MOBP: variants seen among roughly 807,000 people sequenced by gnomAD.
The protein encoded by MOBP is myelin-associated oligodendrocyte basic protein.
In MOBP, 5 loss-of-function variants were observed where a neutral mutation model predicts 15.0. The ratio of observed to expected loss-of-function variants is 0.33; its 90% CI spans 0.17 to 0.70. MOBP has a LOEUF of 0.70. MOBP is among the 30% of genes least tolerant of loss of function. MOBP has a pLI of 0.67. For synonymous variants in MOBP, 88 were observed against 99.0 expected (o/e 0.89, Z 0.66); for missense variants, 188 against 257.8 (o/e 0.73, Z 1.85).
intron 2 of MOBP, among the ~76,000 whole-genome samples, chr3:39,484,775 A>G (rs746073786): frequency 3.7e-4 from 56 of 152,368 alleles, no homozygotes; most frequent in Admixed American, 1.2e-3. Context: ...GCTAAAGATA[A>G]CAACCGTAGG....
intron 2 of MOBP, among the ~76,000 whole-genome samples, chr3:39,485,430 G>A (rs932188452): frequency 2.0e-5 from 3 of 152,200 alleles, no homozygotes; most frequent in Non-Finnish European, 2.9e-5. Flanking sequence ...AGGTCTCTAC[G>A]GGAGCTGGTG....
chr3:39,477,765 T>C (rs886723876), intron 1 of MOBP, among the ~76,000 whole-genome samples: 1 of 151,830 alleles, frequency 6.6e-6, no homozygotes, highest in Non-Finnish European at 1.5e-5. Context: ...TAGAAGACAG[T>C]GATATTGACT....
At chr3:39,514,210 G>A (rs1482538500) in exon 5 of MOBP, 1 of 152,246 alleles carries the variant, frequency 6.6e-6, no homozygotes, top group Non-Finnish European at 1.5e-5. Context: ...GTGAGAGCAA[G>A]TCCTCGAAGG....
Position 39,502,977 on chromosome 3 carries a change from T to A in MOBP, c.*97T>A. The A allele has an allele frequency of 1.6e-6, 1 of 622,122 alleles. No homozygotes were observed. The highest frequency in any genetic ancestry group is 2.0e-5 in the South Asian group (1 of 49,202). 38.5% of individuals were successfully genotyped at this position (622,122 alleles called of 1,614,324 possible). On this transcript the variant is annotated 3_prime_UTR_variant, in exon 4 of 4. Transcript: ENST00000684792. This position sits in a 1 kb window ranked among gnomAD's most constrained non-coding sequence, Gnocchi z 6.3. ...GTCTCCATGGCCCTCTTCAGCCTTA[T>A]TACCCAACCTGTGTAATCAGCTCCC...
chr3:39,472,549 A>G (rs2042486013), intron 1 of MOBP, among the ~76,000 whole-genome samples: 1 of 152,220 alleles, frequency 6.6e-6, no homozygotes, highest in Non-Finnish European at 1.5e-5. Context: ...TTTTCTACTT[A>G]AAAGACTACT....
chr3:39,471,081 G>A (rs1208940006), intron 1 of MOBP, among the ~76,000 whole-genome samples: 7 of 151,618 alleles, frequency 4.6e-5, no homozygotes, highest in Non-Finnish European at 1.0e-4. Flanking sequence ...AATGTTAAAT[G>A]TAACAATCTC....
At chr3:39,480,229 G>C (rs542882061) in intron 2 of MOBP, 106 bp downstream of exon 2, 12 of 152,248 alleles carry the variant, frequency 7.9e-5, no homozygotes, top group African/African-American at 2.2e-4. Flanking sequence ...GCAAAAGAAT[G>C]AGCAATCAAA....
rs1378469438 is a variant in MOBP, at chr3:39,521,369, A to AT, written c.*259-2868dup. Among the ~76,000 whole-genome samples the AT allele has an allele frequency of 2.0e-5, 3 of 152,182 alleles. No individual in the cohort carries two copies. In the East Asian group the frequency reaches 5.8e-4, roughly 29 times the overall value. On this transcript the variant is annotated intron_variant and NMD_transcript_variant, in intron 3 of 4. Coordinates refer to the MOBP transcript ENST00000424090. ...ACAGCCAGTTTTGTTATACCAGGAC[A>AT]TTTTTTATACAGGGGAAAAATCAGG... is the stretch of plus-strand genomic sequence containing the variant.
At chr3:39,499,007 A>C (rs571166637) in intron 2 of MOBP, among the ~76,000 whole-genome samples, 2 of 152,242 alleles carry the variant, frequency 1.3e-5, no homozygotes, top group African/African-American at 2.4e-5. Context: ...GTTATTTCTC[A>C]AACAGTTGGA....
At chr3:39,495,371 T>C (rs2042863245) in intron 2 of MOBP, among the ~76,000 whole-genome samples, 1 of 152,082 alleles carries the variant, frequency 6.6e-6, no homozygotes, top group South Asian at 2.1e-4. Flanking sequence ...TTAATATTTG[T>C]GGCATGCAGC....
chr3:39,494,479 T>C (rs2042845903), intron 2 of MOBP, among the ~76,000 whole-genome samples: 3 of 152,264 alleles, frequency 2.0e-5, no homozygotes, highest in South Asian at 2.1e-4. Context: ...GTTTTTTTTT[T>C]CCTCATCCTG....
At chr3:39,501,381 C>G (rs1468043533) in intron 2 of MOBP, among the ~76,000 whole-genome samples, 3 of 152,230 alleles carry the variant, frequency 2.0e-5, no homozygotes, top group African/African-American at 7.2e-5. Context: ...AGGACTATTT[C>G]TGCATCTGTC....
At chr3:39,489,253 T>C (rs2125640772) in intron 2 of MOBP, among the ~76,000 whole-genome samples, 1 of 152,346 alleles carries the variant, frequency 6.6e-6, no homozygotes, top group Non-Finnish European at 1.5e-5. Context: ...TATTGTCTCC[T>C]AGCACCCAGT....
At chr3:39,487,353 T>C (rs2042726889) in intron 2 of MOBP, among the ~76,000 whole-genome samples, 2 of 152,166 alleles carry the variant, frequency 1.3e-5, no homozygotes, top group African/African-American at 4.8e-5. Flanking sequence ...ATCCCTATCA[T>C]ATATCAAGTT....
chr3:39,512,512 T>C (rs1319588787), intron 4 of MOBP, among the ~76,000 whole-genome samples: 1 of 152,214 alleles, frequency 6.6e-6, no homozygotes, highest in Non-Finnish European at 1.5e-5. Flanking sequence ...TTTTTTCTGG[T>C]ATCCTCAATC....
At chr3:39,512,026 G>A (rs2043126218) in intron 4 of MOBP, among the ~76,000 whole-genome samples, 1 of 152,154 alleles carries the variant, frequency 6.6e-6, no homozygotes, top group Non-Finnish European at 1.5e-5. Context: ...ATAGGACTAG[G>A]TAAGTGGATA....
intron 3 of MOBP, among the ~76,000 whole-genome samples, chr3:39,522,525 C>T (rs890544723): frequency 6.6e-6 from 1 of 152,100 alleles, no homozygotes; most frequent in Non-Finnish European, 1.5e-5. Context: ...CCTTAAATCC[C>T]CCTCTGATCT....
chr3:39,523,149 T>C (rs2043290463), intron 3 of MOBP, among the ~76,000 whole-genome samples: 1 of 152,150 alleles, frequency 6.6e-6, no homozygotes, highest in South Asian at 2.1e-4. Flanking sequence ...CTACTTAAGC[T>C]AACAAAAAAT....
chr3:39,512,588 A>G (rs2043133854), intron 4 of MOBP, among the ~76,000 whole-genome samples: 1 of 152,230 alleles, frequency 6.6e-6, no homozygotes, highest in Admixed American at 6.5e-5. Flanking sequence ...TGGTATTGCT[A>G]ATATCTGAGT....
Sources: gnomAD v4.1 joint callset for allele counts (sites outside exome capture counted in the v4.1 genomes callset) on GRCh38, gnomAD v4.1.1 for gene constraint, Gnocchi (gnomAD v3.1) non-coding constraint, MANE v1.5 for transcripts, NCBI Gene and HGNC (gene_info 2026-07-23, HGNC 2026-07-21) for gene names.